PDSS2: variants seen among roughly 807,000 people sequenced by gnomAD.
PDSS2 encodes the protein decaprenyl diphosphate synthase subunit 2, also known as all trans-polyprenyl-diphosphate synthase PDSS2.
PDSS2 carries 31 observed loss-of-function variants against 44.5 expected under a neutral mutation model. That is an observed-to-expected ratio of 0.70 (90% CI 0.52 to 0.94). PDSS2 has a LOEUF of 0.94. Among genes scored for constraint, PDSS2 ranks in the 40% least tolerant of loss-of-function variants. The pLI is 0.00. For synonymous variants in PDSS2, 157 were observed against 180.3 expected, an observed-to-expected ratio of 0.87 and a Z score of 1.03; for missense variants, 452 against 482.2, an observed-to-expected ratio of 0.94 and a Z score of 0.59.
At chr6:107,373,118 GGACTACAGGCGTGT>G (rs1562495360) in intron 1 of PDSS2, among the ~76,000 whole-genome samples, 3 of 151,814 alleles carry the variant, frequency 2.0e-5, no homozygotes, top group Non-Finnish European at 2.9e-5. Flanking sequence ...CAAGTAGCTG[GGACTACAGGCGTGT>G]GCCACCATGC....
At chr6:107,204,153 G>C (rs1315358414) in intron 6 of PDSS2, among the ~76,000 whole-genome samples, 2 of 152,038 alleles carry the variant, frequency 1.3e-5, no homozygotes, top group African/African-American at 4.8e-5. Context: ...ATGTTGGCCA[G>C]GATGGTCTCG....
At chr6:107,251,954 C>T (rs1774835186) in intron 3 of PDSS2, among the ~76,000 whole-genome samples, 1 of 152,178 alleles carries the variant, frequency 6.6e-6, no homozygotes, top group Non-Finnish European at 1.5e-5. Context: ...ATAATAATGT[C>T]TAACATTTGT....
chr6:107,210,612 T>C (rs1344802784), intron 5 of PDSS2, 42 bp from the exon 6 acceptor site: 9 of 1,293,396 alleles, frequency 7.0e-6, no homozygotes, highest in South Asian at 1.2e-5. Context: ...GAAATGTATA[T>C]ACACTAGTAT....
At chr6:107,209,120 T>C (rs1398848130) in intron 6 of PDSS2, among the ~76,000 whole-genome samples, 1 of 152,208 alleles carries the variant, frequency 6.6e-6, no homozygotes, top group Non-Finnish European at 1.5e-5. Context: ...GTCAAGTATA[T>C]TGATTATAGT....
intron 7 of PDSS2, among the ~76,000 whole-genome samples, chr6:107,162,288 G>C (rs1554246820): frequency 6.6e-6 from 1 of 152,026 alleles, no homozygotes; most frequent in East Asian, 1.9e-4. Context: ...CTTGAGGCCA[G>C]GAGTGAGACC....
At chr6:107,297,730 T>A (rs755253045) in intron 2 of PDSS2, among the ~76,000 whole-genome samples, 2 of 151,432 alleles carry the variant, frequency 1.3e-5, no homozygotes, top group Non-Finnish European at 1.5e-5. Flanking sequence ...GAAGATTATA[T>A]TGGAAACAAA....
intron 4 of PDSS2, among the ~76,000 whole-genome samples, chr6:107,244,661 A>C (rs1238312387): frequency 1.3e-5 from 2 of 152,202 alleles, no homozygotes; most frequent in African/African-American, 4.8e-5. Context: ...TTATACTTTT[A>C]AATTTTAAAT....
intron 4 of PDSS2, among the ~76,000 whole-genome samples, chr6:107,238,825 C>T (rs1774319119): frequency 2.6e-5 from 4 of 152,156 alleles, no homozygotes; most frequent in South Asian, 2.1e-4. Context: ...AGGTTTTTCT[C>T]AGGACAGTAA....
At chr6:107,400,181 GAGA>G (rs778586408) in intron 1 of PDSS2, among the ~76,000 whole-genome samples, 2 of 152,130 alleles carry the variant, frequency 1.3e-5, no homozygotes, top group Non-Finnish European at 1.5e-5. Flanking sequence ...GAGAGACTGT[GAGA>G]AGGAGCAGCA....
chr6:107,159,693 C>T (rs1162098493), intron 7 of PDSS2, among the ~76,000 whole-genome samples: 2 of 151,384 alleles, frequency 1.3e-5, no homozygotes, highest in Non-Finnish European at 1.5e-5. Flanking sequence ...GCTGGGATTA[C>T]AGGCGTGAGC....
At chr6:107,207,990 T>G (rs1403705511) in intron 6 of PDSS2, among the ~76,000 whole-genome samples, 3 of 145,174 alleles carry the variant, frequency 2.1e-5, no homozygotes, top group Admixed American at 6.9e-5. Flanking sequence ...TTTTTTTTTT[T>G]TTTTTTTTTT....
At chr6:107,227,278 CTTTT>C (rs60988844) in intron 4 of PDSS2, among the ~76,000 whole-genome samples, 7 of 102,808 alleles carry the variant, frequency 6.8e-5, no homozygotes, top group Non-Finnish European at 1.0e-4. Context: ...CCACTGTGCC[CTTTT>C]TTTTTTTTTT....
At chr6:107,257,609 A>G (rs1166663341) in intron 3 of PDSS2, among the ~76,000 whole-genome samples, 1 of 152,066 alleles carries the variant, frequency 6.6e-6, no homozygotes, top group African/African-American at 2.4e-5. Context: ...CTATAAAGAT[A>G]TACATACAAT....
chr6:107,292,161 A>G (rs2115025791), intron 2 of PDSS2, among the ~76,000 whole-genome samples: 1 of 152,192 alleles, frequency 6.6e-6, no homozygotes, highest in East Asian at 1.9e-4. Flanking sequence ...CCATGAAAAC[A>G]CAAGGTCCAA....
At chr6:107,418,967 T>C (rs1346688186) in intron 1 of PDSS2, among the ~76,000 whole-genome samples, 1 of 152,118 alleles carries the variant, frequency 6.6e-6, no homozygotes, top group Non-Finnish European at 1.5e-5. Flanking sequence ...AATTTAAGTC[T>C]AGATGAAAAC....
At chr6:107,349,377 G>C (rs1004845353) in intron 1 of PDSS2, among the ~76,000 whole-genome samples, 1 of 151,944 alleles carries the variant, frequency 6.6e-6, no homozygotes, top group African/African-American at 2.4e-5. Context: ...AGCTCGTAGT[G>C]AGCCGAGATC....
chr6:107,386,387 A>C (rs900140159), intron 1 of PDSS2, among the ~76,000 whole-genome samples: 1 of 151,944 alleles, frequency 6.6e-6, no homozygotes, highest in African/African-American at 2.4e-5. Context: ...TCTAAAAAAA[A>C]AAAAAACAAA....
intron 7 of PDSS2, among the ~76,000 whole-genome samples, chr6:107,182,939 G>A (rs1263805438): frequency 2.0e-5 from 3 of 152,160 alleles, no homozygotes; most frequent in African/African-American, 7.2e-5. Context: ...GGCTGGTCAT[G>A]GTGGCTCACA....
At chr6:107,355,448 T>C (rs1345963230) in intron 1 of PDSS2, among the ~76,000 whole-genome samples, 1 of 152,186 alleles carries the variant, frequency 6.6e-6, no homozygotes, top group Non-Finnish European at 1.5e-5. Flanking sequence ...AATGGGAAAA[T>C]GTCTGCTACA....
Sources: allele counts gnomAD v4.1 joint callset (sites outside exome capture counted in the v4.1 genomes callset), GRCh38; gene constraint gnomAD v4.1.1; transcripts MANE v1.5; gene names NCBI Gene and HGNC (gene_info 2026-07-23, HGNC 2026-07-21).